The following SLC2A12 variants were observed in gnomAD, a reference collection of about 807,000 sequenced individuals.
SLC2A12 encodes solute carrier family 2 member 12.
SLC2A12 carries 23 observed loss-of-function variants against 41.8 expected under a neutral mutation model. That is an observed-to-expected ratio of 0.55 (90% CI 0.40 to 0.78). The LOEUF (loss-of-function observed/expected upper bound fraction) is 0.78. Among genes scored for constraint, SLC2A12 ranks in the 30% least tolerant of loss-of-function variants. SLC2A12 has a pLI of 0.00. For missense variants in SLC2A12, 654 were observed against 745.6 expected (o/e 0.88, Z 1.43); for synonymous variants, 295 against 285.9 (o/e 1.03, Z -0.32).
chr6:134,015,213 T>TAA (rs1224812217), intron 2 of SLC2A12, among the ~76,000 whole-genome samples: 1 of 152,226 alleles, frequency 6.6e-6, no homozygotes, highest in African/African-American at 2.4e-5. Context: ...TATTATTGTA[T>TAA]AATGGCTACA....
At position 134,006,915 on chromosome 6, in the gene SLC2A12, G is replaced by A. The variant is rs141527471; in HGVS notation, c.1464C>T (p.Ser488=). 20 of 1,613,974 alleles carry A rather than the reference G, an allele frequency of 1.2e-5. No individual in the cohort carries two copies. The highest frequency in any genetic ancestry group is 1.6e-4 in the Middle Eastern group (1 of 6,084). The part of the protein sequence containing the change: ...GLGPMPWLVL[S]EIFPGGIRGR... ...CTCTGATCCCACCAGGAAAGATCTC[G>A]CTGAGCACCAGCCAGGGCACTAGAA... is the stretch of plus-strand genomic sequence containing the variant. Residue 488 remains serine (S), a synonymous_variant, in exon 3 of 5, where the codon AGC becomes AGT. Transcript: ENST00000275230.
At chr6:134,022,571 AAG>A (rs764016973) in intron 2 of SLC2A12, among the ~76,000 whole-genome samples, 1 of 103,060 alleles carries the variant, frequency 9.7e-6, no homozygotes, top group Non-Finnish European at 1.9e-5. Flanking sequence ...AAGAAAAGAA[AAG>A]AAAAGAAAAG....
At chr6:134,024,212 C>T (rs899821806) in intron 2 of SLC2A12, among the ~76,000 whole-genome samples, 6 of 152,210 alleles carry the variant, frequency 3.9e-5, no homozygotes, top group Admixed American at 2.6e-4. Context: ...AGTGATGTGG[C>T]GAAAGACATG....
At chr6:134,041,326 GA>G (rs1777378441) in intron 1 of SLC2A12, among the ~76,000 whole-genome samples, 1 of 152,092 alleles carries the variant, frequency 6.6e-6, no homozygotes, top group South Asian at 2.1e-4. Context: ...AAGAGATACA[GA>G]AAGAGAAATG....
intron 2 of SLC2A12, among the ~76,000 whole-genome samples, chr6:134,019,318 C>T (rs575616088): frequency 2.5e-4 from 38 of 152,164 alleles, no homozygotes; most frequent in Middle Eastern, 6.8e-3. Context: ...TAACATTATG[C>T]CTTGGGTTTT....
intron 4 of SLC2A12, 66 bp downstream of exon 4, chr6:134,001,931 C>T: frequency 1.3e-6 from 2 of 1,516,904 alleles, no homozygotes; most frequent in Non-Finnish European, 1.8e-6. Context: ...TATTCCTTTG[C>T]TGTATATAAA....
rs778236548 is a variant in SLC2A12 at position 134,028,485 on chromosome 6, T to C, written c.1340A>G (p.Tyr447Cys). ...LLNAGLSHTE[Y>C]QIVTDPGDVP... ...GTCCCCAGGGTCTGTGACTATCTGG[T>C]ATTCAGTGTGGCTTAATCCAGCATT... Residue 447 changes from tyrosine (Y) to cysteine (C), a missense_variant, in exon 2 of 5, where the codon TAC becomes TGC. By Grantham distance (194) the Tyr-to-Cys change is radical (BLOSUM62 -2). This residue lies in a region of SLC2A12 where 411 missense variants were observed against 412.1 expected (regional missense o/e 1.00). Coordinates refer to ENST00000275230, the MANE Select transcript of SLC2A12 (RefSeq NM_145176.3). The C allele has an allele frequency of 1.2e-6, 2 of 1,614,188 alleles. No individual in the cohort carries two copies. The highest frequency in any genetic ancestry group is 1.7e-6 in the Non-Finnish European group (2 of 1,180,032).
chr6:134,032,422 AT>A, intron 1 of SLC2A12, among the ~76,000 whole-genome samples: 1 of 36,486 alleles, frequency 2.7e-5, no homozygotes, highest in African/African-American at 9.7e-5. Context: ...ATATATATAT[AT>A]ATTTATATAT....
Position 134,029,007 on chromosome 6 carries a change from T to C in SLC2A12, c.818A>G (p.Asp273Gly), listed in dbSNP as rs753286038. The C allele has an allele frequency of 6.2e-7, 1 of 1,614,224 alleles. No individual in the cohort carries two copies. The highest frequency in any genetic ancestry group is 1.7e-5 in the Admixed American group (1 of 60,026). The change falls in exon 2 of 5, where the codon GAC becomes GGC. Residue 273 changes from aspartate (D) to glycine (G), a missense_variant. Physicochemically the swap from Asp to Gly is moderately conservative, Grantham distance 94 (BLOSUM62 -1). This residue lies in a region of SLC2A12 where 411 missense variants were observed against 412.1 expected (regional missense o/e 1.00). Coordinates refer to ENST00000275230, the MANE Select transcript of SLC2A12 (RefSeq NM_145176.3). ...TATCATTATTCGGGTCCGCATGTTG[T>C]CTTTTGAACGAAACAGATCCCAAAA... ...YSFWDLFRSK[D>G]NMRTRIMIGL...
chr6:134,026,744 G>A (rs1441300210), intron 2 of SLC2A12, among the ~76,000 whole-genome samples: 1 of 152,194 alleles, frequency 6.6e-6, no homozygotes, highest in African/African-American at 2.4e-5. Flanking sequence ...CGGGAAATAT[G>A]TCTACTCACA....
At chr6:133,994,644 C>T (rs557277654) in intron 4 of SLC2A12, among the ~76,000 whole-genome samples, 22 of 152,256 alleles carry the variant, frequency 1.4e-4, no homozygotes, top group South Asian at 4.2e-4. Context: ...AGGAGAATGG[C>T]GTGAACCTGG....
At chr6:133,999,792 G>A (rs1441463217) in intron 4 of SLC2A12, among the ~76,000 whole-genome samples, 1 of 152,198 alleles carries the variant, frequency 6.6e-6, no homozygotes, top group African/African-American at 2.4e-5. Flanking sequence ...GTTTTCAGCT[G>A]CAACATTTGG....
At chr6:134,038,700 C>CA (rs1777339795) in intron 1 of SLC2A12, among the ~76,000 whole-genome samples, 1 of 82,110 alleles carries the variant, frequency 1.2e-5, no homozygotes, top group East Asian at 2.8e-4. Flanking sequence ...CCTTTCTTTC[C>CA]TTTTTTTTTT....
intron 1 of SLC2A12, 77 bp downstream of exon 1, chr6:134,052,301 C>T (rs1773699655): frequency 1.5e-6 from 1 of 685,458 alleles, no homozygotes; most frequent in Non-Finnish European, 2.3e-6. Flanking sequence ...ACACACGGGA[C>T]TCAAGAGACA....
In SLC2A12 at chr6:134,029,135, C is replaced by T. The variant is rs200959071; in HGVS notation, c.690G>A (p.Glu230=). 470 of 1,614,130 alleles carry T rather than the reference C, an allele frequency of 2.9e-4. 1 individual carries two copies. The highest frequency in any genetic ancestry group is 6.3e-4 in the Admixed American group (38 of 60,022). ...SPRFLVMKGQ[E]GAASKVLGRL... ...TTCCAAGAACCTTGCTAGCAGCTCC[C>T]TCTTGTCCTTTCATCACCAGAAACC... Residue 230 remains glutamate, a synonymous_variant, in exon 2 of 5, where the codon GAG becomes GAA. Transcript: ENST00000275230.
rs760273302 is a variant in SLC2A12, at chr6:134,052,358, G to A, written c.103+20C>T. The A allele has an allele frequency of 1.9e-6, 3 of 1,602,910 alleles. No individual in the cohort carries two copies. In the African/African-American group the frequency reaches 4.0e-5, roughly 21 times the overall value. On this transcript the variant is annotated intron_variant, in intron 1 of 4. Coordinates refer to ENST00000275230, the MANE Select transcript of SLC2A12 (RefSeq NM_145176.3). Reference sequence around the variant, plus strand: ...AGCTTGCTTCTCTGCGGTCACCCGAGCACTGCAGGCTCACTTTACCTCTCG... The same window carrying A: ...AGCTTGCTTCTCTGCGGTCACCCGAACACTGCAGGCTCACTTTACCTCTCG...
intron 1 of SLC2A12, among the ~76,000 whole-genome samples, chr6:134,037,223 C>T (rs57010453): frequency 0.035 from 4,671 of 134,848 alleles, 244 homozygotes; most frequent in African/African-American, 0.12. Context: ...GGCGCGATTT[C>T]GGCTCACTGC....
intron 2 of SLC2A12, among the ~76,000 whole-genome samples, chr6:134,025,291 G>A (rs1777099178): frequency 6.6e-6 from 1 of 152,126 alleles, no homozygotes; most frequent in South Asian, 2.1e-4. Context: ...GATAAAACAT[G>A]TTTTCATTTA....
intron 4 of SLC2A12, among the ~76,000 whole-genome samples, chr6:133,994,283 T>C (rs1405520898): frequency 6.6e-6 from 1 of 152,170 alleles, no homozygotes; most frequent in African/African-American, 2.4e-5. Flanking sequence ...TTTGAGAACA[T>C]CACAGGTTCA....
Sources: allele counts gnomAD v4.1 joint callset (sites outside exome capture counted in the v4.1 genomes callset), GRCh38; gene constraint gnomAD v4.1.1; regional missense constraint gnomAD v4.1.1; transcripts MANE v1.5; gene names NCBI Gene and HGNC (gene_info 2026-07-23, HGNC 2026-07-21).